DLG2: variants seen among roughly 807,000 people sequenced by gnomAD.
DLG2 encodes the protein disks large homolog 2.
In DLG2, 45 loss-of-function variants were observed where a neutral mutation model predicts 132.5. That is an observed-to-expected ratio of 0.34 (90% CI 0.27 to 0.44). The LOEUF (loss-of-function observed/expected upper bound fraction) is 0.44, where lower values mean the gene tolerates loss of function less well. Among genes scored for constraint, DLG2 ranks in the 20% least tolerant of loss-of-function variants. The pLI is 1.00. For missense variants in DLG2, 1,045 were observed against 1,196.9 expected, an observed-to-expected ratio of 0.87 and a Z score of 1.87; for synonymous variants, 424 against 419.6, an observed-to-expected ratio of 1.01 and a Z score of -0.13.
intron 6 of DLG2, among the ~76,000 whole-genome samples, chr11:84,875,665 T>C (rs1321961625): frequency 1.3e-5 from 2 of 152,228 alleles, no homozygotes; most frequent in Non-Finnish European, 2.9e-5. Flanking sequence ...ATATTTTTCA[T>C]TGTTGCTGTC....
chr11:84,698,434 C>T (rs1940094), intron 6 of DLG2, among the ~76,000 whole-genome samples: 49,921 of 151,198 alleles, frequency 0.33, 8,631 homozygotes, highest in East Asian at 0.63. Context: ...TTAATCTATT[C>T]GTCCAATTGC....
chr11:84,373,200 A>G (rs536772658), intron 7 of DLG2, among the ~76,000 whole-genome samples: 69 of 142,810 alleles, frequency 4.8e-4, no homozygotes, highest in Admixed American at 9.9e-4. Context: ...TGATCTCAAC[A>G]ATGTTACTTA....
intron 21 of DLG2, among the ~76,000 whole-genome samples, chr11:83,485,119 T>TA (rs74511308): frequency 0.3 from 45,409 of 152,040 alleles, 7,194 homozygotes; most frequent in Non-Finnish European, 0.37. Flanking sequence ...TCTGATCAGG[T>TA]AAAAAAAGTA....
chr11:83,521,419 G>C (rs1176805618), intron 21 of DLG2, among the ~76,000 whole-genome samples: 1 of 152,066 alleles, frequency 6.6e-6, no homozygotes, highest in South Asian at 2.1e-4. Context: ...TCTGACCTGG[G>C]TTGGTTTTCA....
At chr11:84,005,085 G>C (rs150589973) in intron 11 of DLG2, among the ~76,000 whole-genome samples, 1 of 151,458 alleles carries the variant, frequency 6.6e-6, no homozygotes, top group East Asian at 1.9e-4. Context: ...AAAAAACAAA[G>C]CTGGAGGCAT....
intron 16 of DLG2, among the ~76,000 whole-genome samples, chr11:83,856,554 G>A (rs1179289943): frequency 6.6e-6 from 1 of 152,002 alleles, no homozygotes; most frequent in Non-Finnish European, 1.5e-5. Flanking sequence ...ATCTCATTGT[G>A]GTTTTTTGAT....
intron 9 of DLG2, among the ~76,000 whole-genome samples, chr11:84,129,751 A>C (rs1028982605): frequency 6.6e-6 from 1 of 152,058 alleles, no homozygotes; most frequent in Admixed American, 6.6e-5. Flanking sequence ...AATAAGATCT[A>C]CATTTTGCCG....
chr11:83,505,720 C>T (rs113739662), intron 21 of DLG2, among the ~76,000 whole-genome samples: 29,858 of 152,156 alleles, frequency 0.2, 3,171 homozygotes, highest in Non-Finnish European at 0.21. Context: ...CCATGCAAAG[C>T]GCAAAACCAG....
intron 18 of DLG2, among the ~76,000 whole-genome samples, chr11:83,672,086 G>A (rs918357276): frequency 3.3e-5 from 5 of 152,106 alleles, no homozygotes; most frequent in African/African-American, 1.2e-4. Context: ...TGGGACACCA[G>A]GAGAAAAAAA....
chr11:85,540,020 T>C (rs2153204397), intron 3 of DLG2, among the ~76,000 whole-genome samples: 1 of 152,318 alleles, frequency 6.6e-6, no homozygotes. Flanking sequence ...TCCCTGACCA[T>C]GGGCCCACCT....
At chr11:84,671,459 A>G (rs971202876) in intron 6 of DLG2, among the ~76,000 whole-genome samples, 2 of 152,046 alleles carry the variant, frequency 1.3e-5, no homozygotes, top group Admixed American at 6.6e-5. Context: ...TTACAACTCT[A>G]TAAATGTCCT....
At chr11:84,394,298 A>T (rs561982050) in intron 7 of DLG2, among the ~76,000 whole-genome samples, 6 of 150,652 alleles carry the variant, frequency 4.0e-5, no homozygotes, top group African/African-American at 1.2e-4. Context: ...TTTTTTTAGA[A>T]CATTCTTTAG....
At chr11:83,573,012 C>G (rs1258991735) in intron 19 of DLG2, among the ~76,000 whole-genome samples, 1 of 152,038 alleles carries the variant, frequency 6.6e-6, no homozygotes, top group African/African-American at 2.4e-5. Context: ...GTTTCATGTG[C>G]CATTTAGTTT....
chr11:84,662,193 T>C (rs2154548078), intron 6 of DLG2, among the ~76,000 whole-genome samples: 1 of 149,716 alleles, frequency 6.7e-6, no homozygotes, highest in East Asian at 2.0e-4. Context: ...GTAAATCTTT[T>C]TTTTTTTTTT....
At chr11:84,687,299 C>A (rs2099739000) in intron 6 of DLG2, 1 of 152,070 alleles carries the variant, frequency 6.6e-6, no homozygotes, top group South Asian at 2.1e-4. Context: ...AACGACATAA[C>A]TGATTTTACA....
chr11:84,022,738 T>C (rs1402483890), intron 11 of DLG2, among the ~76,000 whole-genome samples: 1 of 152,096 alleles, frequency 6.6e-6, no homozygotes, highest in Non-Finnish European at 1.5e-5. Context: ...GAAACTTTTT[T>C]TGGGGGGAGT....
At chr11:84,017,853 CT>C (rs1397838493) in intron 11 of DLG2, among the ~76,000 whole-genome samples, 1 of 151,976 alleles carries the variant, frequency 6.6e-6, no homozygotes, top group Non-Finnish European at 1.5e-5. Context: ...TCCATATTAT[CT>C]TTCAGCTCTT....
In DLG2 at chr11:84,912,697, A is replaced by G. The variant is rs140074916; in HGVS notation, c.357+198964T>C. Among the ~76,000 whole-genome samples the G allele has an allele frequency of 9.9e-4, 151 of 152,328 alleles. 1 individual carries two copies. Among genetic ancestry groups the G allele is most frequent in the African/African-American group, 3.5e-3 (147 of 41,584 alleles). On this transcript the variant is annotated intron_variant, in intron 6 of 27. Coordinates refer to ENST00000376104, the MANE Select transcript of DLG2 (RefSeq NM_001142699.3). ...TTCTACCAAACACCCCAGTTTTTCC[A>G]CATCTCCTATATGGCGTGAGCCGTG...
intron 6 of DLG2, among the ~76,000 whole-genome samples, chr11:85,030,177 T>C (rs960903440): frequency 9.9e-5 from 15 of 152,260 alleles, no homozygotes; most frequent in African/African-American, 3.6e-4. Context: ...TCAATATTTA[T>C]CTTTTCAGTT....
Sources: allele counts gnomAD v4.1 joint callset (sites outside exome capture counted in the v4.1 genomes callset), GRCh38; gene constraint gnomAD v4.1.1; transcripts MANE v1.5; gene names NCBI Gene and HGNC (gene_info 2026-07-23, HGNC 2026-07-21).